The following SH2D3C variants were observed in gnomAD, a reference collection of about 807,000 sequenced individuals.
The protein encoded by SH2D3C is SH2 domain containing 3C.
SH2D3C carries 25 observed loss-of-function variants against 75.2 expected under a neutral mutation model. The ratio of observed to expected loss-of-function variants is 0.33; its 90% CI spans 0.24 to 0.46. The LOEUF (loss-of-function observed/expected upper bound fraction) is 0.46. SH2D3C is among the 20% of genes least tolerant of loss of function. The pLI is 1.00. For missense variants in SH2D3C, 933 were observed against 1,165.3 expected (o/e 0.80, Z 2.90); for synonymous variants, 450 against 473.7 (o/e 0.95, Z 0.65).
At chr9:127,741,232 C>A (rs1364272902) in intron 9 of SH2D3C, among the ~76,000 whole-genome samples, 1 of 149,770 alleles carries the variant, frequency 6.7e-6, no homozygotes, top group Non-Finnish European at 1.5e-5. Flanking sequence ...TTGCCACTTT[C>A]TTCTTATTCT....
Position 127,761,832 on chromosome 9 carries a change from G to A in SH2D3C, c.516-182C>T, listed in dbSNP as rs577274325. On this transcript the variant is annotated intron_variant, in intron 2 of 11. Coordinates refer to ENST00000314830, the MANE Select transcript of SH2D3C (RefSeq NM_170600.3). ...TCCACTTTCCAGCTGTGCACCCCTAGGCAAGTCCCTTCACCTCTCTGAGCC... is the reference window on the plus strand; with the variant it reads ...TCCACTTTCCAGCTGTGCACCCCTAAGCAAGTCCCTTCACCTCTCTGAGCC... 2.6e-5 allele frequency among the ~76,000 whole-genome samples: 4 copies of A among 152,272 alleles called. No individual in the cohort carries two copies. The South Asian group carries it at 8.3e-4, about 32-fold the overall frequency.
In SH2D3C at chr9:127,739,260, A is replaced by G. The variant is rs1844775857; in HGVS notation, c.2408-339T>C. Among the ~76,000 whole-genome samples, 2 of 152,178 alleles carry G rather than the reference A, an allele frequency of 1.3e-5. No homozygotes were observed. The highest frequency in any genetic ancestry group is 2.9e-5 in the Non-Finnish European group (2 of 68,040). Reference sequence around the variant, plus strand: ...TGCGGTGGCTCACACCTGTAATCCCAGCACTTTGGGAGGCCAAGGCGGGTG... The same window carrying G: ...TGCGGTGGCTCACACCTGTAATCCCGGCACTTTGGGAGGCCAAGGCGGGTG... On this transcript the variant is annotated intron_variant, in intron 11 of 11. Transcript: ENST00000314830. This position sits in a 1 kb window ranked among gnomAD's most constrained non-coding sequence, Gnocchi z 4.3.
intron 3 of SH2D3C, among the ~76,000 whole-genome samples, chr9:127,759,158 C>G (rs1462494434): frequency 6.6e-6 from 1 of 152,216 alleles, no homozygotes; most frequent in Non-Finnish European, 1.5e-5. Flanking sequence ...TGGCAGATCT[C>G]AGACTAAAAT....
chr9:127,746,646 T>C (rs1845040252), intron 6 of SH2D3C, among the ~76,000 whole-genome samples: 1 of 146,126 alleles, frequency 6.8e-6, no homozygotes, highest in Non-Finnish European at 1.5e-5. Flanking sequence ...CTACTAAAAA[T>C]ACAAAAATTA....
chr9:127,773,976 CCCTGGGCACCTA>C lies in SH2D3C; in HGVS notation c.515+2_515+13del. ...GCCATCCCTGCAGGTCCCAACCAGC[CCCTGGGCACCTA>C]CCTTTCTGAGTGCACGTCCCTGGGA... On this transcript the variant is annotated splice_donor_variant and splice_donor_5th_base_variant and intron_variant, in intron 2 of 11. Transcript: ENST00000314830. LOFTEE classifies it high-confidence loss of function. 1 of 1,530,202 alleles carries C rather than the reference CCCTGGGCACCTA, an allele frequency of 6.5e-7. No homozygotes were observed. The allele number at this position is 1,530,202 out of a possible 1,614,324, so 94.8% of individuals were successfully genotyped here.
intron 2 of SH2D3C, chr9:127,762,230 G>A: frequency 1.7e-6 from 2 of 1,203,334 alleles, no homozygotes; most frequent in African/African-American, 1.6e-5. Context: ...CCCCCAGGGT[G>A]GAGAGCCTGG....
At position 127,751,257 on chromosome 9, in the gene SH2D3C, A is replaced by G; in HGVS notation, c.599T>C (p.Leu200Pro). 3.1e-6 allele frequency: 5 copies of G among 1,613,866 alleles called. No homozygotes were observed. Among genetic ancestry groups the G allele is most frequent in the Non-Finnish European group, 4.2e-6 (5 of 1,179,742 alleles). The change falls in exon 4 of 12, where the codon CTC becomes CCC. Residue 200 changes from leucine to proline, a missense_variant. By Grantham distance (98) the Leu-to-Pro change is moderately conservative. Transcript: ENST00000314830. This position sits in a 1 kb window ranked among gnomAD's most constrained non-coding sequence, Gnocchi z 4.1. ...GAGCTCCTCCTCCAATTCCTTGTGG[A>G]GTTTCTCTGGCGATGAGTCCAGGAT... is the stretch of plus-strand genomic sequence containing the variant. Reference protein sequence around the residue: ...KYILDSSPEKLHKELEEELKL... With the variant: ...KYILDSSPEKPHKELEEELKL...
chr9:127,741,023 A>G (rs751468087), intron 9 of SH2D3C, among the ~76,000 whole-genome samples: 1 of 152,052 alleles, frequency 6.6e-6, no homozygotes, highest in East Asian at 1.9e-4. Flanking sequence ...TCAGCTCTGA[A>G]GTCAGCCAGA....
intron 8 of SH2D3C, 102 bp from the exon 9 acceptor site, chr9:127,742,061 G>C: frequency 8.9e-7 from 1 of 1,128,972 alleles, no homozygotes; most frequent in Non-Finnish European, 1.2e-6. Context: ...GCGGAGGGCG[G>C]AGCCAACGTG....
chr9:127,751,123 C>A lies in SH2D3C; in HGVS notation c.684+49G>T. 1 of 1,602,970 alleles carries A rather than the reference C, an allele frequency of 6.2e-7. No individual in the cohort carries two copies. The highest frequency in any genetic ancestry group is 8.5e-7 in the Non-Finnish European group (1 of 1,173,640). The stretch of plus-strand genomic sequence containing the variant: ...CAGCCAGGGCTGGGGCTGGCCAAGG[C>A]AGTGGGTGGGAGGGTCCCGGGTTGA... On this transcript the variant is annotated intron_variant, in intron 4 of 11. Coordinates refer to ENST00000314830, the MANE Select transcript of SH2D3C (RefSeq NM_170600.3). This position sits in a 1 kb window ranked among gnomAD's most constrained non-coding sequence, Gnocchi z 4.1.
At chr9:127,755,120 C>T in intron 3 of SH2D3C, 1 of 1,219,186 alleles carries the variant, frequency 8.2e-7, no homozygotes. Context: ...CAGCAGGCGG[C>T]GGCCGACAGG....
chr9:127,775,519 T>A (rs1845796590), intron 1 of SH2D3C, among the ~76,000 whole-genome samples: 1 of 152,022 alleles, frequency 6.6e-6, no homozygotes, highest in African/African-American at 2.4e-5. Flanking sequence ...CCCAGCTACT[T>A]GGGAGGCTGA....
intron 3 of SH2D3C, among the ~76,000 whole-genome samples, chr9:127,760,580 C>A (rs991654979): frequency 2.6e-5 from 4 of 151,862 alleles, no homozygotes; most frequent in African/African-American, 9.7e-5. Flanking sequence ...GAACGTGTTA[C>A]CCCAGAACTT....
chr9:127,742,017 GC>G, intron 8 of SH2D3C, 58 bp from the exon 9 acceptor site: 8 of 1,496,904 alleles, frequency 5.3e-6, no homozygotes, highest in Non-Finnish European at 7.2e-6. Context: ...AGGGGTGCGG[GC>G]CTGGGGCGCT....
intron 3 of SH2D3C, among the ~76,000 whole-genome samples, chr9:127,753,244 G>A (rs1468448778): frequency 6.6e-6 from 1 of 152,158 alleles, no homozygotes; most frequent in East Asian, 1.9e-4. Flanking sequence ...GGGCAGATAA[G>A]GCGTGGGCAG....
chr9:127,765,155 T>G (rs1240307452), intron 2 of SH2D3C, among the ~76,000 whole-genome samples: 2 of 152,050 alleles, frequency 1.3e-5, no homozygotes, highest in East Asian at 3.9e-4. Flanking sequence ...ATTACAGGTG[T>G]GAGCGACCTC....
intron 1 of SH2D3C, among the ~76,000 whole-genome samples, chr9:127,776,241 G>A (rs1002187390): frequency 2.0e-5 from 3 of 152,126 alleles, no homozygotes; most frequent in African/African-American, 7.2e-5. Context: ...TTCCAGATGC[G>A]AAAATTGAGA....
intron 5 of SH2D3C, 122 bp from the exon 6 acceptor site, chr9:127,747,393 T>C (rs1845064816): frequency 1.1e-6 from 1 of 928,440 alleles, no homozygotes; most frequent in Non-Finnish European, 1.5e-6. Context: ...GATTATCAAA[T>C]CCAACCTCCC....
chr9:127,739,004 G>C lies in SH2D3C; in HGVS notation c.2408-83C>G, dbSNP rs963268263. The C allele has an allele frequency of 4.6e-6, 6 of 1,316,036 alleles. No individual in the cohort carries two copies. The highest frequency in any genetic ancestry group is 2.6e-4 in the Middle Eastern group (1 of 3,840). 81.5% of individuals were successfully genotyped at this position (1,316,036 alleles called of 1,614,324 possible). On this transcript the variant is annotated intron_variant, in intron 11 of 11. Transcript: ENST00000314830. The surrounding 1 kb of genome is among the most constrained non-coding windows in gnomAD (Gnocchi z 4.3). ...GCATTCTTCAGGACCCCCCTGTTAG[G>C]GACCTCCCCTCAACTCCGCCAGGGA... is the stretch of plus-strand genomic sequence containing the variant.
Sources: allele counts gnomAD v4.1 joint callset (sites outside exome capture counted in the v4.1 genomes callset), GRCh38; gene constraint gnomAD v4.1.1; non-coding constraint Gnocchi (gnomAD v3.1); transcripts MANE v1.5; gene names NCBI Gene and HGNC (gene_info 2026-07-23, HGNC 2026-07-21).